Variants in PLEKHS1 observed in about 807,000 individuals in gnomAD.
PLEKHS1 encodes pleckstrin homology domain containing S1, also known as pleckstrin homology domain-containing family S member 1.
PLEKHS1 carries 55 observed loss-of-function variants against 51.0 expected under a neutral mutation model. That is an observed-to-expected ratio of 1.08 (90% confidence interval 0.87 to 1.35). The LOEUF (loss-of-function observed/expected upper bound fraction) is 1.35. Ranked by LOEUF, PLEKHS1 falls within the 40% of genes most tolerant of loss-of-function variation. The pLI is 0.00. For missense variants in PLEKHS1, 398 were observed against 423.0 expected (o/e 0.94, Z 0.52); for synonymous variants, 153 against 144.8 (o/e 1.06, Z -0.41).
chr10:113,767,629 T>C lies in PLEKHS1; in HGVS notation c.359+150T>C, dbSNP rs962250316. 8.1e-6 allele frequency: 7 copies of C among 865,136 alleles called. No individual in the cohort carries two copies. The African/African-American group carries it at 8.8e-5, about 11-fold the overall frequency. The allele number at this position is 865,136 out of a possible 1,614,324, so 53.6% of individuals were successfully genotyped here. ...GCAATCTTAGTTATTTTTAAAAATA[T>C]CTTGAAAAGTTACTGAGCTAGTTTC... On this transcript the variant is annotated intron_variant, in intron 5 of 11. Coordinates refer to ENST00000361048, the Ensembl canonical transcript of PLEKHS1.
At chr10:113,756,956 G>A (rs192744097) in intron 2 of PLEKHS1, among the ~76,000 whole-genome samples, 1,988 of 130,696 alleles carry the variant, frequency 0.015, 54 homozygotes, top group African/African-American at 0.055. Context: ...TCACTCTGTC[G>A]CTCAGGCTGG....
At chr10:113,782,294 C>G (rs1314595171) in exon 12 of PLEKHS1, 1 of 152,168 alleles carries the variant, frequency 6.6e-6, no homozygotes, top group Non-Finnish European at 1.5e-5. Context: ...CTCTGGGAAA[C>G]AAATGTCCAG....
At chr10:113,762,395 T>C (rs1564818476) in intron 2 of PLEKHS1, among the ~76,000 whole-genome samples, 1 of 148,590 alleles carries the variant, frequency 6.7e-6, no homozygotes. Flanking sequence ...TTCAGTTTAG[T>C]TTCCTGAAAC....
At chr10:113,772,141 A>G (rs1460813228) in intron 8 of PLEKHS1, 52 bp downstream of exon 8, 2 of 1,595,858 alleles carry the variant, frequency 1.3e-6, no homozygotes, top group African/African-American at 1.3e-5. Flanking sequence ...ATATTTACTG[A>G]AACCCTGCCA....
intron 2 of PLEKHS1, among the ~76,000 whole-genome samples, chr10:113,762,365 C>CTTTTT (rs34457408): frequency 1.6e-5 from 1 of 61,768 alleles, no homozygotes; most frequent in African/African-American, 6.0e-5. Flanking sequence ...AGATTTGTTC[C>CTTTTT]TTTTTTTTTT....
At chr10:113,755,509 A>T (rs1854069078) in intron 2 of PLEKHS1, 1 of 1,025,866 alleles carries the variant, frequency 9.7e-7, no homozygotes, top group African/African-American at 1.7e-5. Flanking sequence ...AGCTCAAGTG[A>T]TCCTCTAACC....
At chr10:113,759,773 C>A (rs936736430) in intron 2 of PLEKHS1, among the ~76,000 whole-genome samples, 10 of 152,056 alleles carry the variant, frequency 6.6e-5, no homozygotes, top group African/African-American at 1.7e-4. Context: ...TCATATATTT[C>A]TTTATTTTAC....
intron 10 of PLEKHS1, among the ~76,000 whole-genome samples, chr10:113,775,269 A>G (rs555892158): frequency 5.3e-5 from 8 of 152,002 alleles, no homozygotes; most frequent in Non-Finnish European, 4.4e-5. Context: ...TATTTTTAAA[A>G]ATTCCCCCTT....
chr10:113,777,275 C>A lies in PLEKHS1; in HGVS notation c.1091+1409C>A. 6.2e-7 allele frequency: 1 copy of A among 1,612,352 alleles called. No individual in the cohort carries two copies. Among genetic ancestry groups the A allele is most frequent in the Non-Finnish European group, 8.5e-7 (1 of 1,179,562 alleles). On this transcript the variant is annotated intron_variant, in intron 11 of 11. Coordinates refer to ENST00000361048, the Ensembl canonical transcript of PLEKHS1. ...CCAGAAGGAGGTGAGTCGTACTGACCAGCCCTGAACAGGGCAAATCAGTAC... is the reference window on the plus strand; with the variant it reads ...CCAGAAGGAGGTGAGTCGTACTGACAAGCCCTGAACAGGGCAAATCAGTAC...
At chr10:113,778,225 C>T (rs966426301) in intron 11 of PLEKHS1, among the ~76,000 whole-genome samples, 2 of 152,142 alleles carry the variant, frequency 1.3e-5, no homozygotes, top group African/African-American at 4.8e-5. Flanking sequence ...GTGCTTCTTG[C>T]ATCCCCAGGA....
exon 12 of PLEKHS1, chr10:113,781,750 AACACCTCCT>A (rs1844877853): frequency 8.9e-6 from 1 of 112,652 alleles, no homozygotes; most frequent in African/African-American, 3.5e-5. Context: ...CTCCTTCCCC[AACACCTCCT>A]TCCCAACACC....
chr10:113,779,231 G>A (rs1455102089), intron 11 of PLEKHS1, among the ~76,000 whole-genome samples: 1 of 152,136 alleles, frequency 6.6e-6, no homozygotes, highest in East Asian at 1.9e-4. Context: ...AGATTTCAGG[G>A]CCCTAGTCCA....
chr10:113,769,828 C>A lies in PLEKHS1; in HGVS notation c.480C>A (p.Ser160Arg), dbSNP rs751007732. 1.9e-6 allele frequency: 3 copies of A among 1,614,060 alleles called. No homozygotes were observed. The highest frequency in any genetic ancestry group is 1.3e-5 in the African/African-American group (1 of 75,022). ...ATAAAAGAACCCTCTTCTACTCCAG[C>A]CCTCTCCTTGGCCCTTCCAGCACAT... The change falls in exon 7 of 12, where the codon AGC (serine) becomes AGA (arginine). Residue 160 changes from serine to arginine, a missense_variant. Transcript: ENST00000361048.
intron 2 of PLEKHS1, among the ~76,000 whole-genome samples, chr10:113,757,698 T>C (rs1854189838): frequency 1.3e-5 from 2 of 152,362 alleles, no homozygotes; most frequent in South Asian, 4.1e-4. Flanking sequence ...GATTGTACTT[T>C]CATGAAAAAT....
At chr10:113,770,037 C>A in intron 7 of PLEKHS1, 137 bp downstream of exon 7, 1 of 710,174 alleles carries the variant, frequency 1.4e-6, no homozygotes, top group Non-Finnish European at 2.5e-6. Flanking sequence ...GATTCTTAGC[C>A]CTGATGTTTA....
At chr10:113,755,357 C>T in intron 2 of PLEKHS1, 52 bp downstream of exon 2, 1 of 1,586,068 alleles carries the variant, frequency 6.3e-7, no homozygotes, top group Non-Finnish European at 8.6e-7. Flanking sequence ...TGAAAATGCC[C>T]CACGGTTTCC....
intron 10 of PLEKHS1, among the ~76,000 whole-genome samples, chr10:113,775,443 C>T (rs934299431): frequency 2.0e-5 from 3 of 152,068 alleles, no homozygotes; most frequent in African/African-American, 4.8e-5. Context: ...GCATTTGGTA[C>T]GATTGATGTA....
chr10:113,766,251 T>A (rs563734982), intron 2 of PLEKHS1, among the ~76,000 whole-genome samples, 160 bp from the exon 3 acceptor site: 1 of 152,322 alleles, frequency 6.6e-6, no homozygotes, highest in East Asian at 1.9e-4. Flanking sequence ...ATAAGAATCA[T>A]ACATTTGGTC....
chr10:113,771,579 G>A (rs941515971), intron 7 of PLEKHS1, among the ~76,000 whole-genome samples: 4 of 150,786 alleles, frequency 2.7e-5, no homozygotes, highest in Non-Finnish European at 2.9e-5. Context: ...GGAGGCTGAG[G>A]CAGGAGAATC....
Sources: gnomAD v4.1 joint callset for allele counts (sites outside exome capture counted in the v4.1 genomes callset) on GRCh38, gnomAD v4.1.1 for gene constraint, MANE v1.5 for transcripts, NCBI Gene and HGNC (gene_info 2026-07-23, HGNC 2026-07-21) for gene names.